ATP11A: variants seen among roughly 807,000 people sequenced by gnomAD.
ATP11A encodes phospholipid-transporting ATPase IH.
Under a neutral mutation model 154.4 loss-of-function variants are expected in ATP11A, and 81 were observed. That is an observed-to-expected ratio of 0.52 (90% CI 0.44 to 0.63). The LOEUF (loss-of-function observed/expected upper bound fraction) is 0.63, where lower values mean the gene tolerates loss of function less well. Among genes scored for constraint, ATP11A ranks in the 30% least tolerant of loss-of-function variants. The pLI, the probability that ATP11A is intolerant of heterozygous loss-of-function variation, is 0.00. For synonymous variants in ATP11A, 623 were observed against 585.9 expected, an observed-to-expected ratio of 1.06 and a Z score of -0.91; for missense variants, 1,316 against 1,474.3, an observed-to-expected ratio of 0.89 and a Z score of 1.76.
chr13:112,836,887 C>T (rs1239574355), intron 16 of ATP11A, among the ~76,000 whole-genome samples: 1 of 152,232 alleles, frequency 6.6e-6, no homozygotes, highest in Non-Finnish European at 1.5e-5. Flanking sequence ...CTGTCCCTGA[C>T]GATTGCCTCT....
Position 112,785,074 on chromosome 13 carries a change from G to C in ATP11A, c.40-61G>C. The C allele has an allele frequency of 1.3e-5, 18 of 1,398,144 alleles. No individual in the cohort carries two copies. The highest frequency in any genetic ancestry group is 1.7e-5 in the Non-Finnish European group (18 of 1,067,360). 86.6% of individuals were successfully genotyped at this position (1,398,144 alleles called of 1,614,324 possible). ...CGAACGTGCCTCAAGGCAACACTCTGGGCAAGAGCTTTTGATGCAGGTTCT... is the reference window on the plus strand; with the variant it reads ...CGAACGTGCCTCAAGGCAACACTCTCGGCAAGAGCTTTTGATGCAGGTTCT... On this transcript the variant is annotated intron_variant, in intron 1 of 29. Coordinates refer to ENST00000375645, the MANE Select transcript of ATP11A (RefSeq NM_015205.3). This position sits in a 1 kb window ranked among gnomAD's most constrained non-coding sequence, Gnocchi z 4.8.
rs772992390 is a variant in ATP11A, at chr13:112,881,835, G to A, written c.*10-41G>A. On this transcript the variant is annotated intron_variant, in intron 29 of 29. Transcript: ENST00000375645. ...CAGCAGAATGGGTGCGCACAGCCTC[G>A]GGACCGCGACTCAGAATTCACCCCT... The A allele has an allele frequency of 3.0e-5, 41 of 1,367,450 alleles. No individual in the cohort carries two copies. In the East Asian group the frequency reaches 6.8e-4, roughly 23 times the overall value. The allele number at this position is 1,367,450 out of a possible 1,614,324, so 84.7% of individuals were successfully genotyped here.
At chr13:112,880,689 C>A in intron 29 of ATP11A, 1 of 1,256,268 alleles carries the variant, frequency 8.0e-7, no homozygotes, top group Admixed American at 2.5e-5. Flanking sequence ...TGTGCTGTGA[C>A]TGTCAGACCC....
chr13:112,855,916 C>T lies in ATP11A; in HGVS notation c.2249C>T (p.Ser750Leu), dbSNP rs761459849. The change falls in exon 20 of 30, where the codon TCA becomes TTA. Residue 750 changes from serine to leucine, a missense_variant. Coordinates refer to ENST00000375645, the MANE Select transcript of ATP11A (RefSeq NM_015205.3). ...SLTRDNLSGL[S>L]ADMQDYGLII... ...TGACTCACGTACTCTAACAGACTTT[C>T]AGCAGATATGCAGGACTACGGTTTA... 4.4e-6 allele frequency: 7 copies of T among 1,608,978 alleles called. No individual in the cohort carries two copies. The East Asian group carries it at 1.1e-4, about 26-fold the overall frequency.
rs114164549 is a variant in ATP11A, at chr13:112,727,609, C to T, written c.39+37154C>T. ...GAGAACACTGCTTTTGTTCTTTGCACGTGAAGGAACCAGGCTGCCTGAGGT... is the reference window on the plus strand; with the variant it reads ...GAGAACACTGCTTTTGTTCTTTGCATGTGAAGGAACCAGGCTGCCTGAGGT... On this transcript the variant is annotated intron_variant, in intron 1 of 29. Transcript: ENST00000375645. Among the ~76,000 whole-genome samples, 597 of 152,120 alleles carry T rather than the reference C, an allele frequency of 3.9e-3. 4 individuals are homozygous for T. Among genetic ancestry groups the T allele is most frequent in the African/African-American group, 0.014 (563 of 41,500 alleles).
In ATP11A at chr13:112,885,225, G is replaced by A. The variant is rs1248137941; in HGVS notation, c.*3359G>A. The A allele has an allele frequency of 2.1e-5, 3 of 144,666 alleles. No individual in the cohort carries two copies. The highest frequency in any genetic ancestry group is 5.1e-5 in the African/African-American group (2 of 39,000). 9.0% of individuals were successfully genotyped at this position (144,666 alleles called of 1,614,324 possible). The stretch of plus-strand genomic sequence containing the variant: ...ATGAACAGCGTAAGTTCCTACACAC[G>A]GACGTGTGATACACACATGCATGTA... On this transcript the variant is annotated 3_prime_UTR_variant, in exon 30 of 30. Coordinates refer to ENST00000375645, the MANE Select transcript of ATP11A (RefSeq NM_015205.3).
Position 112,810,691 on chromosome 13 carries a change from G to A in ATP11A, c.406G>A (p.Gly136Ser), listed in dbSNP as rs550617429. 79 of 1,614,056 alleles carry A rather than the reference G, an allele frequency of 4.9e-5. No homozygotes were observed. In the East Asian group the frequency reaches 5.3e-4, roughly 11 times the overall value. Reference protein sequence around the residue: ...NQCPVHFIQHGKLVRKQSRKL... With the variant: ...NQCPVHFIQHSKLVRKQSRKL... The stretch of plus-strand genomic sequence containing the variant: ...GTGTCCTGTTCATTTCATTCAGCAC[G>A]GCAAGCTCGTTCGGAAACAAAGTCG... The change falls in exon 5 of 30, where the codon GGC becomes AGC. Residue 136 changes from glycine to serine, a missense_variant. Physicochemically the swap from Gly to Ser is moderately conservative, Grantham distance 56. Around this residue, in one of 5 missense-constraint regions of ATP11A, gnomAD observed 876 missense variants for 1,006.8 expected, o/e 0.87. Coordinates refer to ENST00000375645, the MANE Select transcript of ATP11A (RefSeq NM_015205.3).
chr13:112,693,809 G>C (rs1399711169), intron 1 of ATP11A, among the ~76,000 whole-genome samples: 2 of 152,092 alleles, frequency 1.3e-5, no homozygotes, highest in Non-Finnish European at 2.9e-5. Context: ...AAAATTAGCC[G>C]GGCATGGTGG....
intron 19 of ATP11A, 148 bp downstream of exon 19, chr13:112,854,678 C>A: frequency 1.1e-6 from 1 of 945,286 alleles, no homozygotes; most frequent in Non-Finnish European, 1.5e-6. Flanking sequence ...TCTTAGGGGT[C>A]AGGTGAACAC....
intron 1 of ATP11A, among the ~76,000 whole-genome samples, chr13:112,726,283 T>C (rs1382103802): frequency 7.4e-6 from 1 of 135,966 alleles, no homozygotes; most frequent in Admixed American, 7.4e-5. Flanking sequence ...GGGCACAGTC[T>C]GTGTGCAGGG....
At chr13:112,867,569 C>G (rs975243356) in intron 25 of ATP11A, among the ~76,000 whole-genome samples, 2 of 152,206 alleles carry the variant, frequency 1.3e-5, no homozygotes, top group African/African-American at 4.8e-5. Flanking sequence ...TCTCGGATCC[C>G]TGGACCCCTG....
chr13:112,700,723 G>A (rs914017), intron 1 of ATP11A, among the ~76,000 whole-genome samples: 125,858 of 152,208 alleles, frequency 0.83, 52,558 homozygotes, highest in East Asian at 0.95. Context: ...TTAGACAGCA[G>A]GTTCCACGGC....
chr13:112,837,508 C>T (rs940849671), intron 16 of ATP11A, among the ~76,000 whole-genome samples: 2 of 152,230 alleles, frequency 1.3e-5, no homozygotes, highest in Non-Finnish European at 2.9e-5. Context: ...CACCCTCCGC[C>T]GAGTGCTCCC....
intron 28 of ATP11A, among the ~76,000 whole-genome samples, chr13:112,877,254 G>A (rs1158088596): frequency 6.6e-6 from 1 of 152,190 alleles, no homozygotes; most frequent in East Asian, 1.9e-4. Context: ...GAGACTCCGC[G>A]GCCCCCAGTG....
At chr13:112,813,197 C>G (rs530941621) in intron 5 of ATP11A, among the ~76,000 whole-genome samples, 22 of 152,292 alleles carry the variant, frequency 1.4e-4, no homozygotes, top group South Asian at 6.2e-4. Context: ...AAAAGCAGTC[C>G]TTTAATTAGT....
At chr13:112,740,843 G>A (rs911166599) in intron 1 of ATP11A, among the ~76,000 whole-genome samples, 9 of 152,324 alleles carry the variant, frequency 5.9e-5, no homozygotes, top group East Asian at 3.9e-4. Flanking sequence ...GAAGGCGCTC[G>A]CCATCAGGGT....
At chr13:112,700,581 C>T (rs930235814) in intron 1 of ATP11A, among the ~76,000 whole-genome samples, 2 of 152,242 alleles carry the variant, frequency 1.3e-5, no homozygotes, top group Admixed American at 6.5e-5. Context: ...TTGTTCTCCC[C>T]GGCGTGGTCT....
intron 25 of ATP11A, among the ~76,000 whole-genome samples, chr13:112,869,495 T>C (rs571462570): frequency 2.6e-5 from 4 of 152,334 alleles, no homozygotes; most frequent in South Asian, 2.1e-4. Context: ...ACTGCAGTTA[T>C]CACCTGTGGC....
intron 2 of ATP11A, among the ~76,000 whole-genome samples, chr13:112,789,987 CCT>C (rs982211553): frequency 6.6e-6 from 1 of 150,384 alleles, no homozygotes; most frequent in African/African-American, 2.5e-5. Flanking sequence ...CGTGTAAACC[CCT>C]GTGTAGATCT....
Sources: gnomAD v4.1 joint callset for allele counts (sites outside exome capture counted in the v4.1 genomes callset) on GRCh38, gnomAD v4.1.1 for gene constraint, gnomAD v4.1.1 regional missense constraint, Gnocchi (gnomAD v3.1) non-coding constraint, MANE v1.5 for transcripts, NCBI Gene and HGNC (gene_info 2026-07-23, HGNC 2026-07-21) for gene names.